Variants in DOK5 observed in about 807,000 individuals in gnomAD.
The protein encoded by DOK5 is docking protein 5, also known as downstream of tyrosine kinase 5.
Under a neutral mutation model 43.3 loss-of-function variants are expected in DOK5, and 27 were observed. The observed-to-expected ratio is 0.62, with a 90% CI of 0.46 to 0.86. The LOEUF (loss-of-function observed/expected upper bound fraction) is 0.86. DOK5 is among the 40% of genes least tolerant of loss of function. DOK5 has a pLI of 0.00. For missense variants in DOK5, 373 were observed against 392.9 expected, an observed-to-expected ratio of 0.95 and a Z score of 0.43; for synonymous variants, 146 against 140.1, an observed-to-expected ratio of 1.04 and a Z score of -0.30.
chr20:54,508,583 T>C (rs1353263413), intron 1 of DOK5, among the ~76,000 whole-genome samples: 1 of 151,936 alleles, frequency 6.6e-6, no homozygotes, highest in Non-Finnish European at 1.5e-5. Context: ...TATATTTATT[T>C]ATTTATTTAT....
chr20:54,501,484 A>G (rs1982603771), intron 1 of DOK5, among the ~76,000 whole-genome samples: 1 of 146,646 alleles, frequency 6.8e-6, no homozygotes, highest in African/African-American at 2.7e-5. Context: ...AAAAAAAAAA[A>G]AAAAAAAAGA....
chr20:54,603,184 C>T (rs1209167948), intron 5 of DOK5, among the ~76,000 whole-genome samples: 1 of 152,184 alleles, frequency 6.6e-6, no homozygotes, highest in Non-Finnish European at 1.5e-5. Flanking sequence ...TGCTCAGAAT[C>T]CTGAGTGGCA....
At chr20:54,624,624 C>T (rs920945293) in intron 6 of DOK5, among the ~76,000 whole-genome samples, 1 of 152,034 alleles carries the variant, frequency 6.6e-6, no homozygotes, top group East Asian at 1.9e-4. Context: ...AAACTCAGTC[C>T]CTAAGGATAT....
rs1230576802 is a variant in DOK5 at position 54,650,822 on chromosome 20, TTTCC to T, written c.*348_*351del. On this transcript the variant is annotated 3_prime_UTR_variant, in exon 8 of 8. Coordinates refer to ENST00000262593, the MANE Select transcript of DOK5 (RefSeq NM_018431.5). ...CTGTCCTTTTGTGGATTCTTGTGAT[TTTCC>T]TTCCAAGTGTTTCAGTTGTATGACA... is the stretch of plus-strand genomic sequence containing the variant. 1.1e-5 allele frequency: 2 copies of T among 188,798 alleles called. No individual in the cohort carries two copies. The highest frequency in any genetic ancestry group is 2.2e-5 in the Non-Finnish European group (2 of 92,384). 11.7% of individuals were successfully genotyped at this position (188,798 alleles called of 1,614,324 possible).
chr20:54,533,594 C>T (rs1432504300), intron 1 of DOK5, among the ~76,000 whole-genome samples: 2 of 152,102 alleles, frequency 1.3e-5, no homozygotes, highest in Non-Finnish European at 2.9e-5. Context: ...ATACACATAG[C>T]TGTAAGTTCT....
chr20:54,565,452 A>C (rs1404575857), intron 2 of DOK5, among the ~76,000 whole-genome samples: 1 of 152,236 alleles, frequency 6.6e-6, no homozygotes, highest in East Asian at 1.9e-4. Context: ...TATATTAAGT[A>C]GATAGCCTTT....
chr20:54,638,100 T>C lies in DOK5; in HGVS notation c.736-5358T>C, dbSNP rs542237197. On this transcript the variant is annotated intron_variant, in intron 6 of 7. Coordinates refer to ENST00000262593, the MANE Select transcript of DOK5 (RefSeq NM_018431.5). Reference sequence around the variant, plus strand: ...TCATGTCACTGCATTCCAGCCTGGGTGACAGAGCGAGACTCTGTCTCGAAA... The same window carrying C: ...TCATGTCACTGCATTCCAGCCTGGGCGACAGAGCGAGACTCTGTCTCGAAA... 7.7e-4 allele frequency among the ~76,000 whole-genome samples: 102 copies of C among 132,018 alleles called. 1 individual carries two copies. Among genetic ancestry groups the C allele is most frequent in the East Asian group, 3.3e-3 (14 of 4,298 alleles). The allele number at this position is 132,018 out of a possible 152,430, so 86.6% of individuals were successfully genotyped here.
chr20:54,638,037 G>A (rs1331497306), intron 6 of DOK5, among the ~76,000 whole-genome samples: 3 of 151,722 alleles, frequency 2.0e-5, no homozygotes, highest in Non-Finnish European at 4.4e-5. Flanking sequence ...CAGGAGAATG[G>A]TGTGAACCCG....
intron 6 of DOK5, among the ~76,000 whole-genome samples, chr20:54,627,382 C>T (rs1978344686): frequency 6.6e-6 from 1 of 152,138 alleles, no homozygotes; most frequent in Non-Finnish European, 1.5e-5. Context: ...GCTGCCTTGT[C>T]TTTTGAAATG....
At chr20:54,646,676 A>T (rs2146835414) in intron 7 of DOK5, among the ~76,000 whole-genome samples, 1 of 152,352 alleles carries the variant, frequency 6.6e-6, no homozygotes, top group South Asian at 2.1e-4. Context: ...CATTTAAAAA[A>T]AAAGTTTTAT....
chr20:54,556,480 T>G (rs1433941597), intron 2 of DOK5, among the ~76,000 whole-genome samples: 1 of 152,252 alleles, frequency 6.6e-6, no homozygotes, highest in African/African-American at 2.4e-5. Context: ...TCTCCACTTT[T>G]ATAACACTCT....
At chr20:54,541,149 C>A (rs1390932877) in intron 1 of DOK5, among the ~76,000 whole-genome samples, 1 of 152,194 alleles carries the variant, frequency 6.6e-6, no homozygotes, top group Non-Finnish European at 1.5e-5. Flanking sequence ...AGACTTTTGT[C>A]TTAACCTTAC....
chr20:54,584,042 C>G (rs1305927655), intron 2 of DOK5, among the ~76,000 whole-genome samples: 1 of 151,718 alleles, frequency 6.6e-6, no homozygotes, highest in Non-Finnish European at 1.5e-5. Flanking sequence ...CTCAGCTGCT[C>G]AGAAGGCTGA....
intron 1 of DOK5, among the ~76,000 whole-genome samples, chr20:54,496,085 A>C (rs1439856026): frequency 6.6e-6 from 1 of 152,194 alleles, no homozygotes; most frequent in Non-Finnish European, 1.5e-5. Flanking sequence ...TAAATTTTGA[A>C]GCTTAGTTTT....
At chr20:54,568,967 T>C (rs1490887205) in intron 2 of DOK5, among the ~76,000 whole-genome samples, 1 of 116,352 alleles carries the variant, frequency 8.6e-6, no homozygotes, top group Non-Finnish European at 1.7e-5. Flanking sequence ...GTTTCTGAAA[T>C]GTATGGACTA....
At chr20:54,616,009 C>G (rs893880051) in intron 6 of DOK5, among the ~76,000 whole-genome samples, 2 of 152,142 alleles carry the variant, frequency 1.3e-5, no homozygotes, top group Non-Finnish European at 1.5e-5. Flanking sequence ...CTTCTGGCCT[C>G]TAGAACCGTA....
At chr20:54,638,025 G>A (rs184979218) in intron 6 of DOK5, among the ~76,000 whole-genome samples, 85 of 151,830 alleles carry the variant, frequency 5.6e-4, no homozygotes, top group African/African-American at 2.0e-3. Context: ...GGGAGGCTGA[G>A]GCAGGAGAAT....
intron 6 of DOK5, among the ~76,000 whole-genome samples, chr20:54,638,752 C>CTTTTT (rs11476340): frequency 1.4e-3 from 139 of 98,520 alleles, no homozygotes; most frequent in Middle Eastern, 5.6e-3. Context: ...CTTTTCTTTT[C>CTTTTT]TTTTTTTTTT....
At chr20:54,584,220 C>A (rs1043328136) in intron 2 of DOK5, among the ~76,000 whole-genome samples, 10 of 151,670 alleles carry the variant, frequency 6.6e-5, no homozygotes, top group African/African-American at 2.4e-4. Flanking sequence ...TTATTGTTTT[C>A]TGTATTTCTT....
Sources: allele counts gnomAD v4.1 joint callset (sites outside exome capture counted in the v4.1 genomes callset), GRCh38; gene constraint gnomAD v4.1.1; transcripts MANE v1.5; gene names NCBI Gene and HGNC (gene_info 2026-07-23, HGNC 2026-07-21).